MPDZ: variants seen among roughly 807,000 people sequenced by gnomAD.
MPDZ encodes multiple PDZ domain crumbs cell polarity complex component, also known as multiple PDZ domain protein.
In MPDZ, 234 loss-of-function variants were observed where a neutral mutation model predicts 239.1. The observed-to-expected ratio is 0.98, with a 90% CI of 0.88 to 1.09. MPDZ has a LOEUF of 1.09. Ranked by LOEUF, MPDZ falls within the 50% of genes least tolerant of loss-of-function variation. The probability of loss-of-function intolerance (pLI) is 0.00; values close to 1 mark genes in which losing one functional copy is unlikely to be tolerated. For missense variants in MPDZ, 3,175 were observed against 2,510.0 expected (o/e 1.26, Z -5.66); for synonymous variants, 1,048 against 881.3 (o/e 1.19, Z -3.35).
At chr9:13,123,653 T>G (rs1239619259) in intron 35 of MPDZ, among the ~76,000 whole-genome samples, 1 of 152,174 alleles carries the variant, frequency 6.6e-6, no homozygotes, top group Non-Finnish European at 1.5e-5. Flanking sequence ...TCCATTTCAA[T>G]GGAGGCAAAC....
Position 13,224,591 on chromosome 9 carries a change from T to G in MPDZ, c.184-8A>C, listed in dbSNP as rs766617743. 1.3e-6 allele frequency: 2 copies of G among 1,569,544 alleles called. No individual in the cohort carries two copies. Among genetic ancestry groups the G allele is most frequent in the Admixed American group, 3.5e-5 (2 of 57,872 alleles). On this transcript the variant is annotated splice_polypyrimidine_tract_variant and splice_region_variant and intron_variant, in intron 3 of 46. Coordinates refer to ENST00000319217, the MANE Select transcript of MPDZ (RefSeq NM_001378778.1). ...TGAAGTTGCAATATTTACCTAAGAGTAATGCAGGGATTATTAAGAATTTTG... is the reference window on the plus strand; with the variant it reads ...TGAAGTTGCAATATTTACCTAAGAGGAATGCAGGGATTATTAAGAATTTTG...
At chr9:13,262,205 G>A (rs770513288) in intron 1 of MPDZ, among the ~76,000 whole-genome samples, 4 of 152,060 alleles carry the variant, frequency 2.6e-5, no homozygotes, top group Non-Finnish European at 5.9e-5. Flanking sequence ...GCTGATGCCT[G>A]TAATCCCAGC....
intron 24 of MPDZ, among the ~76,000 whole-genome samples, chr9:13,156,537 G>A (rs1949840442): frequency 6.6e-6 from 1 of 152,122 alleles, no homozygotes; most frequent in Admixed American, 6.6e-5. Context: ...CAGGTCTCCT[G>A]AGGCCCATTT....
At chr9:13,271,887 A>G (rs1280386071) in intron 1 of MPDZ, among the ~76,000 whole-genome samples, 2 of 152,220 alleles carry the variant, frequency 1.3e-5, no homozygotes, top group African/African-American at 4.8e-5. Context: ...AAGTCAGACA[A>G]AAGAGAACAT....
At chr9:13,233,404 T>C (rs572040642) in intron 3 of MPDZ, among the ~76,000 whole-genome samples, 3 of 152,042 alleles carry the variant, frequency 2.0e-5, no homozygotes, top group Non-Finnish European at 4.4e-5. Context: ...GACAAAGAAG[T>C]CAGGCACAAA....
rs1564026963 is a variant in MPDZ, at chr9:13,206,024, GCA to G, written c.1364_1365del (p.Val455AlafsTer31). ...VEVLRHTGQTVLLTLMRRGMK... is the reference protein window; with the variant it reads ...VEVLRHTGQTXLLTLMRRGMK... Reference sequence around the variant, plus strand: ...ATTCCTCTCCTCATTAGTGTCAGGAGCACAGTTTGTCCTGTATGTCGCAATAC... The same window carrying G: ...ATTCCTCTCCTCATTAGTGTCAGGAGCAGTTTGTCCTGTATGTCGCAATAC... On this transcript the variant is annotated frameshift_variant, in exon 11 of 47. Transcript: ENST00000319217. LOFTEE classifies it high-confidence loss of function. 6 of 1,612,480 alleles carry G rather than the reference GCA, an allele frequency of 3.7e-6. No individual in the cohort carries two copies. The highest frequency in any genetic ancestry group is 1.7e-5 in the Admixed American group (1 of 59,904).
At position 13,122,189 on chromosome 9, in the gene MPDZ, C is replaced by T. The variant is rs2131623631; in HGVS notation, c.4954-19G>A. On this transcript the variant is annotated intron_variant, in intron 36 of 46. Coordinates refer to ENST00000319217, the MANE Select transcript of MPDZ (RefSeq NM_001378778.1). ...TGGCACCCTAAGGGCCCAAACAAAA[C>T]ATACCCATACTTATCCCATTCTCCT... 1 of 1,608,268 alleles carries T rather than the reference C, an allele frequency of 6.2e-7. No individual in the cohort carries two copies. The highest frequency in any genetic ancestry group is 8.5e-7 in the Non-Finnish European group (1 of 1,174,898).
At chr9:13,266,469 T>C (rs563723563) in intron 1 of MPDZ, among the ~76,000 whole-genome samples, 3 of 152,348 alleles carry the variant, frequency 2.0e-5, no homozygotes, top group African/African-American at 4.8e-5. Context: ...TGGCCCATTC[T>C]TTGCAATACT....
In MPDZ at chr9:13,139,979, C is replaced by T; in HGVS notation, c.4003+8G>A. 6.2e-7 allele frequency: 1 copy of T among 1,613,382 alleles called. No individual in the cohort carries two copies. The highest frequency in any genetic ancestry group is 8.5e-7 in the Non-Finnish European group (1 of 1,179,552). ...TACAATTAAATGCATCACAAAAACA[C>T]AACTTACTCCAGCTGTAACCAAACT... On this transcript the variant is annotated splice_region_variant and intron_variant, in intron 28 of 46. Transcript: ENST00000319217.
At chr9:13,112,186 T>C (rs1942605898) in intron 42 of MPDZ, 40 bp from the exon 43 acceptor site, 1 of 1,564,418 alleles carries the variant, frequency 6.4e-7, no homozygotes, top group South Asian at 1.2e-5. Flanking sequence ...CAAAGTGATA[T>C]TTTTCATTGA....
intron 27 of MPDZ, among the ~76,000 whole-genome samples, chr9:13,141,515 ATCTT>A (rs1947679390): frequency 1.3e-5 from 2 of 152,158 alleles, no homozygotes; most frequent in Admixed American, 6.6e-5. Context: ...TTTCCTATAT[ATCTT>A]TATTTTACTT....
chr9:13,234,254 CA>C (rs1471987668), intron 3 of MPDZ, among the ~76,000 whole-genome samples: 7 of 151,778 alleles, frequency 4.6e-5, no homozygotes, highest in Admixed American at 1.3e-4. Flanking sequence ...AATTTTAACC[CA>C]ATAGAATATT....
intron 22 of MPDZ, among the ~76,000 whole-genome samples, chr9:13,163,950 C>T (rs994025967): frequency 6.6e-6 from 1 of 152,150 alleles, no homozygotes; most frequent in African/African-American, 2.4e-5. Context: ...AGTCGGAAGA[C>T]ACAGTTCTGC....
chr9:13,117,670 C>A (rs1414947782), intron 39 of MPDZ, among the ~76,000 whole-genome samples: 2 of 152,092 alleles, frequency 1.3e-5, no homozygotes, highest in African/African-American at 4.8e-5. Context: ...AATAACACTT[C>A]AATGAACTCT....
At chr9:13,173,437 T>A (rs1246324378) in intron 21 of MPDZ, among the ~76,000 whole-genome samples, 1 of 152,138 alleles carries the variant, frequency 6.6e-6, no homozygotes, top group African/African-American at 2.4e-5. Context: ...GCAGGGTGAC[T>A]CGTGCCTGTA....
chr9:13,222,728 C>T (rs1959195732), intron 5 of MPDZ, among the ~76,000 whole-genome samples: 4 of 152,090 alleles, frequency 2.6e-5, no homozygotes, highest in Admixed American at 2.0e-4. Flanking sequence ...ATATTCTCAT[C>T]TTCTAAAAAT....
At chr9:13,193,993 G>C (rs1270711514) in intron 13 of MPDZ, among the ~76,000 whole-genome samples, 1 of 152,110 alleles carries the variant, frequency 6.6e-6, no homozygotes, top group Non-Finnish European at 1.5e-5. Flanking sequence ...AGTTTCAGAA[G>C]CGATATCACC....
At chr9:13,260,072 C>T (rs961545539) in intron 1 of MPDZ, among the ~76,000 whole-genome samples, 3 of 151,746 alleles carry the variant, frequency 2.0e-5, no homozygotes, top group Non-Finnish European at 2.9e-5. Context: ...GAACTCCTGA[C>T]CTCAAGTGAT....
At chr9:13,131,968 G>C (rs955845747) in intron 32 of MPDZ, among the ~76,000 whole-genome samples, 7 of 152,128 alleles carry the variant, frequency 4.6e-5, no homozygotes, top group African/African-American at 1.7e-4. Flanking sequence ...CTTCTGTCTA[G>C]CTACTTTTAA....
Sources: allele counts gnomAD v4.1 joint callset (sites outside exome capture counted in the v4.1 genomes callset), GRCh38; gene constraint gnomAD v4.1.1; transcripts MANE v1.5; gene names NCBI Gene and HGNC (gene_info 2026-07-23, HGNC 2026-07-21).